The following ATAD2B variants were observed in gnomAD, a reference collection of about 807,000 sequenced individuals.
ATAD2B encodes ATPase family AAA domain containing 2B, also known as ATPase family AAA domain-containing protein 2B.
In ATAD2B, 40 loss-of-function variants were observed where a neutral mutation model predicts 167.6. That is an observed-to-expected ratio of 0.24 (90% confidence interval 0.19 to 0.31). The LOEUF (loss-of-function observed/expected upper bound fraction) is 0.31. Among genes scored for constraint, ATAD2B ranks in the 10% least tolerant of loss-of-function variants. The pLI, the probability that ATAD2B is intolerant of heterozygous loss-of-function variation, is 1.00. For synonymous variants in ATAD2B, 579 were observed against 596.5 expected, an observed-to-expected ratio of 0.97 and a Z score of 0.43; for missense variants, 1,242 against 1,757.2, an observed-to-expected ratio of 0.71 and a Z score of 5.24.
Position 23,750,248 on chromosome 2 carries a change from T to C in ATAD2B, c.*1798A>G, listed in dbSNP as rs1432665646. The C allele has an allele frequency of 4.6e-5, 7 of 152,096 alleles. No homozygotes were observed. The highest frequency in any genetic ancestry group is 1.0e-4 in the Non-Finnish European group (7 of 67,974). The allele number at this position is 152,096 out of a possible 1,614,324, so 9.4% of individuals were successfully genotyped here. A position where few individuals can be genotyped will look rare whatever the true frequency, so the allele number is the denominator to read the frequency against. ...ACAGTGTGTCTACATGGGTAGCATC[T>C]TGACTTGTATGACTAACTGGATATT... On this transcript the variant is annotated 3_prime_UTR_variant, in exon 28 of 28. Coordinates refer to ENST00000238789, the MANE Select transcript of ATAD2B (RefSeq NM_017552.4).
intron 8 of ATAD2B, among the ~76,000 whole-genome samples, chr2:23,871,758 G>T (rs575817548): frequency 6.6e-6 from 1 of 152,248 alleles, no homozygotes; most frequent in East Asian, 1.9e-4. Flanking sequence ...TAGCAACCCA[G>T]ATTTTCTCAA....
In ATAD2B at chr2:23,749,570, G is replaced by A. The variant is rs561285727; in HGVS notation, c.*2476C>T. 6.6e-6 allele frequency: 1 copy of A among 152,040 alleles called. No individual in the cohort carries two copies. Among genetic ancestry groups the A allele is most frequent in the African/African-American group, 2.4e-5 (1 of 41,490 alleles). 9.4% of individuals were successfully genotyped at this position (152,040 alleles called of 1,614,324 possible). A position where few individuals can be genotyped will look rare whatever the true frequency, so the allele number is the denominator to read the frequency against. On this transcript the variant is annotated 3_prime_UTR_variant, in exon 28 of 28. Coordinates refer to ENST00000238789, the MANE Select transcript of ATAD2B (RefSeq NM_017552.4). Reference sequence around the variant, plus strand: ...TGGTAAGTGTGTTTTTTTAATTGAGGGAAGGAGGGCCAGAGGAGTTGGTAC... The same window carrying A: ...TGGTAAGTGTGTTTTTTTAATTGAGAGAAGGAGGGCCAGAGGAGTTGGTAC...
intron 22 of ATAD2B, among the ~76,000 whole-genome samples, chr2:23,776,556 T>C (rs1679163965): frequency 6.6e-6 from 1 of 152,214 alleles, no homozygotes; most frequent in South Asian, 2.1e-4. Context: ...AGTTTCCCAC[T>C]ACTCCTCCAC....
At chr2:23,810,925 C>T (rs1173896729) in intron 17 of ATAD2B, among the ~76,000 whole-genome samples, 1 of 151,918 alleles carries the variant, frequency 6.6e-6, no homozygotes, top group Non-Finnish European at 1.5e-5. Context: ...GCAGGAGAAT[C>T]GCTTGAACCC....
intron 13 of ATAD2B, among the ~76,000 whole-genome samples, chr2:23,841,020 C>A (rs1197695716): frequency 6.6e-6 from 1 of 151,980 alleles, no homozygotes; most frequent in Non-Finnish European, 1.5e-5. Context: ...AATCCTCCTA[C>A]TTCAGCCTCC....
chr2:23,911,847 T>A (rs1284744382), intron 1 of ATAD2B, among the ~76,000 whole-genome samples: 1 of 151,800 alleles, frequency 6.6e-6, no homozygotes, highest in African/African-American at 2.4e-5. Context: ...TGGTGGTGCA[T>A]GCCTGTAACC....
intron 1 of ATAD2B, among the ~76,000 whole-genome samples, chr2:23,913,667 G>C (rs1017443809): frequency 3.3e-5 from 5 of 151,646 alleles, no homozygotes; most frequent in African/African-American, 1.2e-4. Context: ...ATTCTAGTTG[G>C]ATCTTCTGAG....
intron 24 of ATAD2B, 38 bp from the exon 25 acceptor site, chr2:23,758,139 G>T: frequency 4.9e-6 from 7 of 1,430,662 alleles, no homozygotes; most frequent in Non-Finnish European, 6.5e-6. Context: ...TGTAGAACTT[G>T]GAATGCAATA....
chr2:23,696,251 C>T, the ATAD2B span: 8 of 1,495,490 alleles, frequency 5.3e-6, no homozygotes, highest in Admixed American at 4.0e-5. The surrounding 1 kb of genome is among the most constrained non-coding windows in gnomAD (Gnocchi z 5.5). Context: ...GTGAAGCCTT[C>T]CTCTGCCCCT....
In ATAD2B at chr2:23,764,437, A is replaced by G. The variant is rs533469124; in HGVS notation, c.3256+1069T>C. ...TCATAGGTCTAAGCTGAAGTGGGTA[A>G]TAGGCAGACATTTTTGAAAACACTG... On this transcript the variant is annotated intron_variant, in intron 23 of 27. Coordinates refer to ENST00000238789, the MANE Select transcript of ATAD2B (RefSeq NM_017552.4). 1.2e-4 allele frequency among the ~76,000 whole-genome samples: 18 copies of G among 152,354 alleles called. No homozygotes were observed. The East Asian group carries it at 3.5e-3, about 29-fold the overall frequency.
At chr2:23,870,292 T>TTTTTTTTTA (rs1417996324) in intron 8 of ATAD2B, among the ~76,000 whole-genome samples, 1 of 145,784 alleles carries the variant, frequency 6.9e-6, no homozygotes, top group Non-Finnish European at 1.5e-5. Flanking sequence ...CAACTTTTTT[T>TTTTTTTTTA]TTTTTTTTTT....
the ATAD2B span, chr2:23,693,120 C>T: frequency 1.1e-6 from 1 of 935,018 alleles, no homozygotes; most frequent in Non-Finnish European, 1.5e-6. Context: ...TCCAGACACC[C>T]AGGAAGGGGG....
At chr2:23,702,196 T>C in the ATAD2B span, among the ~76,000 whole-genome samples, 2 of 152,124 alleles carry the variant, frequency 1.3e-5, no homozygotes, top group African/African-American at 4.8e-5. Flanking sequence ...GATGATGGGG[T>C]TATGTCCTGA....
chr2:23,845,753 T>C (rs1473152942), intron 13 of ATAD2B, among the ~76,000 whole-genome samples: 2 of 151,388 alleles, frequency 1.3e-5, no homozygotes, highest in Non-Finnish European at 2.9e-5. Context: ...CTAATTTTTG[T>C]AGTTTTTGTA....
At chr2:23,902,743 G>A (rs768177982) in intron 1 of ATAD2B, among the ~76,000 whole-genome samples, 73 of 152,200 alleles carry the variant, frequency 4.8e-4, no homozygotes, top group Admixed American at 8.5e-4. Context: ...TACATAAGAC[G>A]TGGAAGGCAG....
At chr2:23,803,230 C>T (rs909729341) in intron 18 of ATAD2B, among the ~76,000 whole-genome samples, 2 of 151,956 alleles carry the variant, frequency 1.3e-5, no homozygotes, top group African/African-American at 4.8e-5. Flanking sequence ...CTTAAGGGGG[C>T]AACTATAAAT....
intron 18 of ATAD2B, chr2:23,808,905 A>C (rs533435126): frequency 2.2e-4 from 34 of 152,270 alleles, no homozygotes; most frequent in African/African-American, 8.2e-4. Flanking sequence ...TGCCAATTTC[A>C]CAGCTTTCCT....
At chr2:23,696,628 C>A in the ATAD2B span, 1 of 803,260 alleles carries the variant, frequency 1.2e-6, no homozygotes, top group Non-Finnish European at 1.9e-6. This position sits in a 1 kb window ranked among gnomAD's most constrained non-coding sequence, Gnocchi z 5.5. Flanking sequence ...GAGCCTGGAC[C>A]ATTCATATGG....
rs755005597 is a variant in ATAD2B, at chr2:23,783,026, A to C, written c.2976T>G (p.Val992=). The change falls in exon 22 of 28, where the codon GTT becomes GTG. Residue 992 remains valine (V), a splice_region_variant and synonymous_variant. Transcript: ENST00000238789. ...CCTTGATTACTTCAAGATAATCTGA[A>C]ACCTAAAACAGATATTTTAATAAAA... is the stretch of plus-strand genomic sequence containing the variant. ...IFSKPVDIEE[V]SDYLEVIKEP... 3.5e-6 allele frequency: 5 copies of C among 1,443,190 alleles called. No homozygotes were observed. In the African/African-American group the frequency reaches 7.1e-5, roughly 20 times the overall value. 89.4% of individuals were successfully genotyped at this position (1,443,190 alleles called of 1,614,324 possible).
Sources: gnomAD v4.1 joint callset for allele counts (sites outside exome capture counted in the v4.1 genomes callset) on GRCh38, gnomAD v4.1.1 for gene constraint, Gnocchi (gnomAD v3.1) non-coding constraint, MANE v1.5 for transcripts, NCBI Gene and HGNC (gene_info 2026-07-23, HGNC 2026-07-21) for gene names.